Variants in ASAP2 observed in about 807,000 individuals in gnomAD.
The protein encoded by ASAP2 is arf-GAP with SH3 domain, ANK repeat and PH domain-containing protein 2.
A neutral mutation model predicts 131.4 loss-of-function variants in ASAP2; 45 were observed. That is an observed-to-expected ratio of 0.34 (90% confidence interval 0.27 to 0.44). The LOEUF (loss-of-function observed/expected upper bound fraction) is 0.44. Ranked by LOEUF, ASAP2 falls within the 20% of genes least tolerant of loss-of-function variation. The probability of loss-of-function intolerance (pLI) is 1.00; values close to 1 mark genes in which losing one functional copy is unlikely to be tolerated. For missense variants in ASAP2, 1,011 were observed against 1,297.0 expected, an observed-to-expected ratio of 0.78 and a Z score of 3.39; for synonymous variants, 510 against 503.0, an observed-to-expected ratio of 1.01 and a Z score of -0.19.
In ASAP2 at chr2:9,311,405, A is replaced by G. The variant is rs1052383014; in HGVS notation, c.346-7119A>G. 1.7e-4 allele frequency among the ~76,000 whole-genome samples: 26 copies of G among 152,162 alleles called. No individual in the cohort carries two copies. Among genetic ancestry groups the G allele is most frequent in the African/African-American group, 6.0e-4 (25 of 41,454 alleles). ...TTTGCCTGCTTGTTGGTCCAACGTT[A>G]ATAGCAGTGATTAAGATTAATAATT... On this transcript the variant is annotated intron_variant, in intron 3 of 27. Transcript: ENST00000281419. The surrounding 1 kb of genome is among the most constrained non-coding windows in gnomAD (Gnocchi z 5.2).
At chr2:9,370,871 G>A (rs111241007) in intron 16 of ASAP2, among the ~76,000 whole-genome samples, 19 of 152,270 alleles carry the variant, frequency 1.2e-4, no homozygotes, top group African/African-American at 4.1e-4. Flanking sequence ...AGGAAACGTC[G>A]TGAATCCAGC....
intron 20 of ASAP2, among the ~76,000 whole-genome samples, chr2:9,381,288 T>A (rs1674817750): frequency 6.6e-6 from 1 of 152,246 alleles, no homozygotes; most frequent in South Asian, 2.1e-4. Flanking sequence ...CAGGCAGCCC[T>A]GGCCTTGCCG....
At chr2:9,306,434 G>C (rs567344386) in intron 3 of ASAP2, among the ~76,000 whole-genome samples, 12 of 151,996 alleles carry the variant, frequency 7.9e-5, no homozygotes, top group African/African-American at 2.9e-4. Flanking sequence ...CAGAAGAGCG[G>C]CTGCTGCAGG....
At chr2:9,369,519 G>T (rs968501271) in intron 16 of ASAP2, among the ~76,000 whole-genome samples, 1 of 152,166 alleles carries the variant, frequency 6.6e-6, no homozygotes. Flanking sequence ...TCTATAGGGG[G>T]ACATGGGTGG....
At position 9,281,531 on chromosome 2, in the gene ASAP2, C is replaced by T. The variant is rs1008884279; in HGVS notation, c.199+2142C>T. Among the ~76,000 whole-genome samples the T allele has an allele frequency of 6.6e-6, 1 of 152,208 alleles. No homozygotes were observed. The highest frequency in any genetic ancestry group is 1.5e-5 in the Non-Finnish European group (1 of 68,050). On this transcript the variant is annotated intron_variant, in intron 2 of 27. Coordinates refer to ENST00000281419, the MANE Select transcript of ASAP2 (RefSeq NM_003887.3). The surrounding 1 kb of genome is among the most constrained non-coding windows in gnomAD (Gnocchi z 4.0). Reference sequence around the variant, plus strand: ...CCTCATTCCTATTTCTAACCACCCCCAAGCGTCGTTTGCTAAAATGCAACC... The same window carrying T: ...CCTCATTCCTATTTCTAACCACCCCTAAGCGTCGTTTGCTAAAATGCAACC...
In ASAP2 at chr2:9,270,832, G is replaced by A. The variant is rs186834263; in HGVS notation, c.127-8485G>A. Reference sequence around the variant, plus strand: ...TTTTGAGACGGAGTCTCGCTCCGTCGCCCAGGCTGGAGTGCAGTGGCGCGA... The same window carrying A: ...TTTTGAGACGGAGTCTCGCTCCGTCACCCAGGCTGGAGTGCAGTGGCGCGA... On this transcript the variant is annotated intron_variant, in intron 1 of 27. Coordinates refer to ENST00000281419, the MANE Select transcript of ASAP2 (RefSeq NM_003887.3). Among the ~76,000 whole-genome samples the A allele has an allele frequency of 7.4e-3, 797 of 107,006 alleles. 14 individuals carry two copies. The highest frequency in any genetic ancestry group is 0.028 in the African/African-American group (763 of 26,996). The allele number at this position is 107,006 out of a possible 152,430, so 70.2% of individuals were successfully genotyped here. A position where few individuals can be genotyped will look rare whatever the true frequency, so the allele number is the denominator to read the frequency against.
chr2:9,380,664 T>C, intron 19 of ASAP2, 77 bp from the exon 20 acceptor site: 5 of 1,383,666 alleles, frequency 3.6e-6, no homozygotes, highest in Non-Finnish European at 5.2e-6. Flanking sequence ...TTTCTGTTCC[T>C]TTTAAAAATT....
chr2:9,270,213 C>T (rs951002386), intron 1 of ASAP2, among the ~76,000 whole-genome samples: 4 of 152,164 alleles, frequency 2.6e-5, no homozygotes, highest in Admixed American at 6.5e-5. Flanking sequence ...CTTGGGGTCT[C>T]TTCGGTTCTT....
chr2:9,269,434 A>G (rs1178467758), intron 1 of ASAP2, among the ~76,000 whole-genome samples: 2 of 152,200 alleles, frequency 1.3e-5, no homozygotes. Context: ...CTCCTCAGAT[A>G]GTGGGCTTGG....
chr2:9,279,574 A>C (rs948751458), intron 2 of ASAP2, among the ~76,000 whole-genome samples, 185 bp downstream of exon 2: 17 of 152,136 alleles, frequency 1.1e-4, no homozygotes, highest in African/African-American at 3.9e-4. Flanking sequence ...CAGTCGTCTG[A>C]TTCAGGTGTG....
intron 1 of ASAP2, among the ~76,000 whole-genome samples, chr2:9,215,665 G>GC (rs71389232): frequency 2.9e-5 from 4 of 136,564 alleles, no homozygotes; most frequent in African/African-American, 5.4e-5. Context: ...TGTTTAGCTA[G>GC]TTTTTTTTTT....
In ASAP2 at chr2:9,400,037, C is replaced by G. The variant is rs1344531539; in HGVS notation, c.2699C>G (p.Thr900Ser). ...TGTCTTTGTAGGGCTGACAAGTCCACCCCACTGACCAACAAAGGCCAACCG... is the reference window on the plus strand; with the variant it reads ...TGTCTTTGTAGGGCTGACAAGTCCAGCCCACTGACCAACAAAGGCCAACCG... ...KKPAPGADKS[T>S]PLTNKGQPRG... Residue 900 changes from threonine (T) to serine (S), a missense_variant, in exon 25 of 28, where the codon ACC becomes AGC. Thr to Ser is a moderately conservative substitution (Grantham distance 58). Coordinates refer to ENST00000281419, the MANE Select transcript of ASAP2 (RefSeq NM_003887.3). The G allele has an allele frequency of 6.2e-7, 1 of 1,613,380 alleles. No homozygotes were observed. Among genetic ancestry groups the G allele is most frequent in the East Asian group, 2.2e-5 (1 of 44,884 alleles).
intron 7 of ASAP2, among the ~76,000 whole-genome samples, chr2:9,328,459 A>G (rs1670615759): frequency 6.6e-6 from 1 of 152,236 alleles, no homozygotes; most frequent in South Asian, 2.1e-4. Flanking sequence ...CATTTGACCT[A>G]TTCCGCAACT....
At chr2:9,286,445 A>ATATATATATATATATATAT (rs199918521) in intron 2 of ASAP2, among the ~76,000 whole-genome samples, 13 of 98,626 alleles carry the variant, frequency 1.3e-4, no homozygotes, top group African/African-American at 4.7e-4. Context: ...AGGAAAAAAA[A>ATATATATATATATATATAT]AAATATATAT....
At position 9,350,817 on chromosome 2, in the gene ASAP2, C is replaced by G; in HGVS notation, c.1033C>G (p.Pro345Ala). Reference protein sequence around the residue: ...LTISHGTANRPPAKLNLLTCQ... With the variant: ...LTISHGTANRAPAKLNLLTCQ... ...TTTTGCTTTTAAACAGGCTAACCGG[C>G]CTCCTGCAAAGCTCAACCTGCTAAC... is the stretch of plus-strand genomic sequence containing the variant. The change falls in exon 12 of 28, where the codon CCT becomes GCT. Residue 345 changes from proline to alanine, a missense_variant. Physicochemically the swap from Pro to Ala is conservative, Grantham distance 27. Around this residue, in one of 2 missense-constraint regions of ASAP2, gnomAD observed 359 missense variants for 598.1 expected, o/e 0.60. Transcript: ENST00000281419. 6.2e-7 allele frequency: 1 copy of G among 1,613,396 alleles called. No individual in the cohort carries two copies. The highest frequency in any genetic ancestry group is 8.5e-7 in the Non-Finnish European group (1 of 1,179,614).
intron 15 of ASAP2, among the ~76,000 whole-genome samples, chr2:9,360,732 A>C (rs933692994): frequency 1.3e-5 from 2 of 152,224 alleles, no homozygotes; most frequent in African/African-American, 4.8e-5. Flanking sequence ...ATGAACATGG[A>C]CAATAGTAAA....
At chr2:9,295,185 A>G (rs1668077006) in intron 2 of ASAP2, among the ~76,000 whole-genome samples, 1 of 152,226 alleles carries the variant, frequency 6.6e-6, no homozygotes, top group African/African-American at 2.4e-5. Context: ...TAAACTTTTT[A>G]ACGATGAAAA....
intron 3 of ASAP2, among the ~76,000 whole-genome samples, chr2:9,316,670 T>G (rs1445108557): frequency 6.6e-6 from 1 of 152,160 alleles, no homozygotes; most frequent in Non-Finnish European, 1.5e-5. Context: ...AGTCCGTACT[T>G]GAAGGCTCTT....
chr2:9,360,865 C>A (rs150274818), intron 15 of ASAP2, among the ~76,000 whole-genome samples: 4 of 152,134 alleles, frequency 2.6e-5, no homozygotes, highest in African/African-American at 9.6e-5. Flanking sequence ...TTGCAAAATT[C>A]CTGAAATTTT....
Sources: allele counts gnomAD v4.1 joint callset (sites outside exome capture counted in the v4.1 genomes callset), GRCh38; gene constraint gnomAD v4.1.1; regional missense constraint gnomAD v4.1.1; non-coding constraint Gnocchi (gnomAD v3.1); transcripts MANE v1.5; gene names NCBI Gene and HGNC (gene_info 2026-07-23, HGNC 2026-07-21).